Variants in RALYL observed in about 807,000 individuals in gnomAD.
The protein encoded by RALYL is RNA-binding Raly-like protein.
RALYL carries 29 observed loss-of-function variants against 35.1 expected under a neutral mutation model. The ratio of observed to expected loss-of-function variants is 0.83; its 90% CI spans 0.61 to 1.13. The LOEUF is 1.13. Among genes scored for constraint, RALYL ranks in the 50% most tolerant of loss-of-function variants. RALYL has a pLI of 0.00. For missense variants in RALYL, 359 were observed against 360.4 expected (o/e 1.00, Z 0.03); for synonymous variants, 120 against 127.6 (o/e 0.94, Z 0.40).
intron 8 of RALYL, among the ~76,000 whole-genome samples, chr8:84,909,944 C>A (rs1291284549): frequency 2.0e-5 from 3 of 152,100 alleles, no homozygotes; most frequent in Admixed American, 6.6e-5. Flanking sequence ...TAACAATTAA[C>A]TAACAGGTCC....
At chr8:84,490,463 G>A (rs1211124004) in intron 1 of RALYL, among the ~76,000 whole-genome samples, 3 of 151,948 alleles carry the variant, frequency 2.0e-5, no homozygotes, top group East Asian at 1.9e-4. Context: ...AAGCATCTTC[G>A]GTTGTTATTT....
At chr8:84,726,122 A>G (rs1017635658) in intron 2 of RALYL, among the ~76,000 whole-genome samples, 3 of 150,658 alleles carry the variant, frequency 2.0e-5, no homozygotes, top group Non-Finnish European at 4.4e-5. Context: ...ATCCATAAAC[A>G]ATCATCATTT....
At chr8:84,514,231 A>T (rs2057875734) in intron 1 of RALYL, among the ~76,000 whole-genome samples, 1 of 152,180 alleles carries the variant, frequency 6.6e-6, no homozygotes, top group African/African-American at 2.4e-5. Flanking sequence ...GCTACTTCTA[A>T]AAGTAATAAC....
chr8:84,691,019 T>A (rs1678216069), intron 2 of RALYL, among the ~76,000 whole-genome samples: 1 of 152,082 alleles, frequency 6.6e-6, no homozygotes, highest in African/African-American at 2.4e-5. Flanking sequence ...TTTTTGAGGT[T>A]AAAAGAAAAA....
intron 1 of RALYL, among the ~76,000 whole-genome samples, chr8:84,217,801 T>C (rs1821180144): frequency 6.6e-6 from 1 of 152,100 alleles, no homozygotes; most frequent in African/African-American, 2.4e-5. Context: ...TGTAAAATGA[T>C]GATTGAAGAT....
At chr8:84,527,610 A>G (rs1003565978) in intron 1 of RALYL, among the ~76,000 whole-genome samples, 2 of 152,198 alleles carry the variant, frequency 1.3e-5, no homozygotes, top group African/African-American at 4.8e-5. Flanking sequence ...AACTGACTCT[A>G]AATTACCTAT....
At chr8:84,893,034 G>A (rs1342903909) in intron 8 of RALYL, among the ~76,000 whole-genome samples, 7 of 152,074 alleles carry the variant, frequency 4.6e-5, no homozygotes, top group Non-Finnish European at 1.0e-4. Flanking sequence ...GAGGATAAAG[G>A]CCACAGACAA....
chr8:84,418,197 G>A (rs376098732), intron 1 of RALYL, among the ~76,000 whole-genome samples: 3 of 152,246 alleles, frequency 2.0e-5, no homozygotes, highest in East Asian at 3.9e-4. Context: ...GGGTCAGAAT[G>A]GTTGGGTTTT....
At chr8:84,344,629 A>T (rs1673260322) in intron 1 of RALYL, among the ~76,000 whole-genome samples, 1 of 152,082 alleles carries the variant, frequency 6.6e-6, no homozygotes, top group Admixed American at 6.6e-5. Context: ...AAATCACACT[A>T]ACATATCTAT....
chr8:84,255,020 T>C (rs979215842), intron 1 of RALYL, among the ~76,000 whole-genome samples: 2 of 152,032 alleles, frequency 1.3e-5, no homozygotes, highest in Non-Finnish European at 2.9e-5. Context: ...CTGGGCATTA[T>C]GGGGATTATG....
intron 7 of RALYL, among the ~76,000 whole-genome samples, chr8:84,876,374 G>T (rs1244614190): frequency 6.6e-6 from 1 of 152,072 alleles, no homozygotes; most frequent in Non-Finnish European, 1.5e-5. Context: ...ACTTCTTTGG[G>T]GATATAGTGA....
At chr8:84,659,403 C>G (rs1051725260) in intron 2 of RALYL, among the ~76,000 whole-genome samples, 1 of 152,036 alleles carries the variant, frequency 6.6e-6, no homozygotes, top group Admixed American at 6.6e-5. Context: ...TGTACCCCTC[C>G]CTGGATCAGA....
At chr8:84,384,448 A>G (rs140153291) in intron 1 of RALYL, among the ~76,000 whole-genome samples, 1 of 151,800 alleles carries the variant, frequency 6.6e-6, no homozygotes, top group Non-Finnish European at 1.5e-5. Context: ...TTAATCAACG[A>G]CAAATGCATT....
intron 2 of RALYL, among the ~76,000 whole-genome samples, chr8:84,657,630 G>A (rs1433232572): frequency 2.0e-5 from 3 of 152,130 alleles, no homozygotes; most frequent in Admixed American, 6.6e-5. Flanking sequence ...GAAGAAAGTC[G>A]AGTGAAAAAA....
chr8:84,356,801 CTCTTTGTCATAA>C (rs1851924600), intron 1 of RALYL, among the ~76,000 whole-genome samples: 2 of 150,218 alleles, frequency 1.3e-5, no homozygotes, highest in African/African-American at 2.5e-5. Flanking sequence ...ATGTTATGCT[CTCTTTGTCATAA>C]CACAGTAAAA....
intron 4 of RALYL, among the ~76,000 whole-genome samples, chr8:84,824,727 A>ATCTT (rs1829284579): frequency 6.6e-6 from 1 of 152,154 alleles, no homozygotes; most frequent in Non-Finnish European, 1.5e-5. Context: ...CAGCTATCTG[A>ATCTT]TCTTTGACAA....
At chr8:84,442,993 C>G (rs1382979526) in intron 1 of RALYL, among the ~76,000 whole-genome samples, 1 of 152,094 alleles carries the variant, frequency 6.6e-6, no homozygotes, top group Non-Finnish European at 1.5e-5. Context: ...AAGAGCCTAC[C>G]TCATGAAGCT....
intron 2 of RALYL, among the ~76,000 whole-genome samples, chr8:84,567,677 G>GTT (rs200193309): frequency 7.8e-5 from 11 of 141,388 alleles, no homozygotes; most frequent in Admixed American, 4.2e-4. Flanking sequence ...AGTGAACGTT[G>GTT]TTTTTTTTTT....
At chr8:84,554,086 T>C (rs188257931) in intron 2 of RALYL, among the ~76,000 whole-genome samples, 22 of 152,354 alleles carry the variant, frequency 1.4e-4, no homozygotes, top group African/African-American at 5.3e-4. Flanking sequence ...TGAAACTTAA[T>C]AGGTTTCTTT....
Sources: allele counts gnomAD v4.1 joint callset (sites outside exome capture counted in the v4.1 genomes callset), GRCh38; gene constraint gnomAD v4.1.1; transcripts MANE v1.5; gene names NCBI Gene and HGNC (gene_info 2026-07-23, HGNC 2026-07-21).